The following RNF169 variants were observed in gnomAD, a reference collection of about 807,000 sequenced individuals.
RNF169 encodes E3 ubiquitin-protein ligase RNF169.
RNF169 carries 24 observed loss-of-function variants against 53.9 expected under a neutral mutation model. The ratio of observed to expected loss-of-function variants is 0.45; its 90% CI spans 0.32 to 0.63. The LOEUF is 0.63. Among genes scored for constraint, RNF169 ranks in the 20% least tolerant of loss-of-function variants. RNF169 has a pLI of 0.04. For missense variants in RNF169, 883 were observed against 906.2 expected (o/e 0.97, Z 0.33); for synonymous variants, 396 against 363.5 (o/e 1.09, Z -1.02).
At chr11:74,808,413 G>A (rs1408201558) in intron 2 of RNF169, among the ~76,000 whole-genome samples, 1 of 152,102 alleles carries the variant, frequency 6.6e-6, no homozygotes, top group Non-Finnish European at 1.5e-5. Flanking sequence ...ATGTTTAGTA[G>A]CACACAGACT....
intron 3 of RNF169, 66 bp downstream of exon 3, chr11:74,810,396 A>G: frequency 7.1e-7 from 1 of 1,413,370 alleles, no homozygotes; most frequent in Non-Finnish European, 9.9e-7. Context: ...GGTGACCTGG[A>G]CCTGAAAGAC....
rs923912479 is a variant in RNF169, at chr11:74,840,701, A to C, written c.*3971A>C. 6.6e-6 allele frequency: 1 copy of C among 152,136 alleles called. No individual in the cohort carries two copies. Among genetic ancestry groups the C allele is most frequent in the Non-Finnish European group, 1.5e-5 (1 of 68,030 alleles). 9.4% of individuals were successfully genotyped at this position (152,136 alleles called of 1,614,324 possible). A position where few individuals can be genotyped will look rare whatever the true frequency, so the allele number is the denominator to read the frequency against. ...GTAGGAGAGTGAGAAAAGAGAACAA[A>C]GGCTGGGTCACAGTCATAGAATGTT... On this transcript the variant is annotated 3_prime_UTR_variant, in exon 6 of 6. Coordinates refer to ENST00000299563, the MANE Select transcript of RNF169 (RefSeq NM_001098638.2).
chr11:74,819,967 G>A (rs1015707934), intron 4 of RNF169, among the ~76,000 whole-genome samples: 1 of 152,126 alleles, frequency 6.6e-6, no homozygotes, highest in African/African-American at 2.4e-5. Flanking sequence ...ACTTAAAGTG[G>A]CTGTGCGTTC....
chr11:74,816,361 C>A (rs1233404498), intron 3 of RNF169, among the ~76,000 whole-genome samples: 1 of 152,092 alleles, frequency 6.6e-6, no homozygotes, highest in Non-Finnish European at 1.5e-5. Context: ...CAGAACAGAT[C>A]CCTAAATAAG....
chr11:74,798,130 A>G (rs138235594), intron 2 of RNF169, among the ~76,000 whole-genome samples: 3,743 of 152,286 alleles, frequency 0.025, 165 homozygotes, highest in African/African-American at 0.085. Flanking sequence ...TGTTTAAACA[A>G]TATGAAATCT....
chr11:74,800,111 A>T (rs989603930), intron 2 of RNF169, among the ~76,000 whole-genome samples: 1 of 151,932 alleles, frequency 6.6e-6, no homozygotes, highest in Non-Finnish European at 1.5e-5. Flanking sequence ...AGTCAGAAAT[A>T]ACTTTTAAAA....
intron 1 of RNF169, 104 bp downstream of exon 1, chr11:74,749,486 TG>T: frequency 1.0e-6 from 1 of 981,726 alleles, no homozygotes; most frequent in Non-Finnish European, 1.3e-6. Context: ...CGGGCGGGTG[TG>T]GAGAGTTCTC....
chr11:74,799,163 T>G (rs2035694246), intron 2 of RNF169, among the ~76,000 whole-genome samples: 1 of 151,344 alleles, frequency 6.6e-6, no homozygotes, highest in African/African-American at 2.4e-5. Flanking sequence ...AATGCCCACT[T>G]TTAGCATGTG....
intron 3 of RNF169, among the ~76,000 whole-genome samples, chr11:74,815,257 A>T (rs2135124367): frequency 6.6e-6 from 1 of 152,282 alleles, no homozygotes; most frequent in Admixed American, 6.5e-5. Context: ...ATTTTGCAAT[A>T]ATTGAAAGGA....
chr11:74,788,026 G>C (rs963123298), intron 1 of RNF169, among the ~76,000 whole-genome samples: 1 of 151,856 alleles, frequency 6.6e-6, no homozygotes, highest in African/African-American at 2.4e-5. Context: ...AATCAGCTAG[G>C]GTTGTTAGTT....
At chr11:74,823,741 A>G (rs1157312441) in intron 4 of RNF169, among the ~76,000 whole-genome samples, 1 of 134,068 alleles carries the variant, frequency 7.5e-6, no homozygotes, top group Non-Finnish European at 1.5e-5. Flanking sequence ...TGTCTCAGAA[A>G]AAAAAAAAAA....
chr11:74,802,516 A>G (rs943684360), intron 2 of RNF169, among the ~76,000 whole-genome samples: 1 of 152,116 alleles, frequency 6.6e-6, no homozygotes, highest in East Asian at 1.9e-4. Flanking sequence ...GATGGTGCAC[A>G]GCTGTAATCC....
chr11:74,764,991 C>A (rs76769297), intron 1 of RNF169, among the ~76,000 whole-genome samples: 1 of 152,076 alleles, frequency 6.6e-6, no homozygotes, highest in Admixed American at 6.6e-5. Flanking sequence ...GTGGGAGGAT[C>A]ATTTGAGTCC....
chr11:74,773,514 C>A (rs930404612), intron 1 of RNF169, among the ~76,000 whole-genome samples: 10 of 152,074 alleles, frequency 6.6e-5, no homozygotes, highest in African/African-American at 2.4e-4. Flanking sequence ...GCAAATGTAC[C>A]ACCAGGCCAG....
At chr11:74,803,293 G>A (rs11822677) in intron 2 of RNF169, among the ~76,000 whole-genome samples, 2,966 of 152,156 alleles carry the variant, frequency 0.019, 69 homozygotes, top group African/African-American at 0.068. Context: ...CACCGTGTTA[G>A]CCAGGATGAT....
intron 1 of RNF169, among the ~76,000 whole-genome samples, chr11:74,756,905 A>C (rs1565168890): frequency 6.6e-6 from 1 of 152,140 alleles, no homozygotes; most frequent in Non-Finnish European, 1.5e-5. Context: ...TAGCAAATAG[A>C]TTGGAGAGCC....
intron 1 of RNF169, among the ~76,000 whole-genome samples, chr11:74,783,942 C>T (rs2035452489): frequency 6.6e-6 from 1 of 152,166 alleles, no homozygotes; most frequent in East Asian, 1.9e-4. Context: ...TGAATGCATA[C>T]ATGTTCTCCA....
rs1406741222 is a variant in RNF169 at position 74,841,270 on chromosome 11, AT to A, written c.*4542del. On this transcript the variant is annotated 3_prime_UTR_variant, in exon 6 of 6. Coordinates refer to ENST00000299563, the MANE Select transcript of RNF169 (RefSeq NM_001098638.2). ...GGTATCTAAACATACCTGGTTATGA[AT>A]TCTCAAAAGAGAAAGCAGGTCTGGG... The A allele has an allele frequency of 1.3e-5, 2 of 152,200 alleles. No homozygotes were observed. Among genetic ancestry groups the A allele is most frequent in the Non-Finnish European group, 2.9e-5 (2 of 68,036 alleles). 9.4% of individuals were successfully genotyped at this position (152,200 alleles called of 1,614,324 possible). A position where few individuals can be genotyped will look rare whatever the true frequency, so the allele number is the denominator to read the frequency against.
intron 1 of RNF169, 152 bp downstream of exon 1, chr11:74,749,534 T>G: frequency 1.5e-6 from 1 of 676,490 alleles, no homozygotes; most frequent in Non-Finnish European, 2.0e-6. Context: ...AGGTGCAGTG[T>G]GTTTGTGAAT....
Sources: allele counts gnomAD v4.1 joint callset (sites outside exome capture counted in the v4.1 genomes callset), GRCh38; gene constraint gnomAD v4.1.1; transcripts MANE v1.5; gene names NCBI Gene and HGNC (gene_info 2026-07-23, HGNC 2026-07-21).